Variants in ELP1 observed in about 807,000 individuals in gnomAD.
The protein encoded by ELP1 is elongator acetyltransferase complex subunit 1.
In ELP1, 131 loss-of-function variants were observed where a neutral mutation model predicts 183.2. That is an observed-to-expected ratio of 0.72 (90% CI 0.62 to 0.83). The LOEUF (loss-of-function observed/expected upper bound fraction) is 0.83. Ranked by LOEUF, ELP1 falls within the 40% of genes least tolerant of loss-of-function variation. The probability of loss-of-function intolerance (pLI) is 0.00; values close to 1 mark genes in which losing one functional copy is unlikely to be tolerated. For missense variants in ELP1, 1,550 were observed against 1,594.9 expected (o/e 0.97, Z 0.48); for synonymous variants, 555 against 569.0 (o/e 0.98, Z 0.35).
chr9:108,897,321 A>G, intron 22 of ELP1, 36 bp from the exon 23 acceptor site: 1 of 1,612,644 alleles, frequency 6.2e-7, no homozygotes, highest in Non-Finnish European at 8.5e-7. Context: ...TCATCAACAG[A>G]ACATGTAGCC....
intron 26 of ELP1, 24 bp downstream of exon 26, chr9:108,893,919 A>G (rs1828439118): frequency 6.2e-7 from 1 of 1,612,888 alleles, no homozygotes; most frequent in South Asian, 1.1e-5. Flanking sequence ...AAGTAGAGAT[A>G]AACATACTAA....
In ELP1 at chr9:108,929,826, A is replaced by G. The variant is rs1356191121; in HGVS notation, c.246T>C (p.Ser82=). The G allele has an allele frequency of 5.6e-6, 9 of 1,613,856 alleles. No homozygotes were observed. In the African/African-American group the frequency reaches 8.0e-5, roughly 14 times the overall value. ...VGVQDLLDQE[S]VCVATASGDV... is the part of the protein sequence containing the mutation. ...CTCCAGAGGCTGTGGCCACACACAC[A>G]GACTCCTGATCCAGCAAGTCCTGAA... The change falls in exon 3 of 37, where the codon TCT becomes TCC. Residue 82 remains serine, a synonymous_variant. Coordinates refer to ENST00000374647, the MANE Select transcript of ELP1 (RefSeq NM_003640.5).
chr9:108,888,102 T>C (rs77330577), intron 29 of ELP1, among the ~76,000 whole-genome samples: 1 of 152,166 alleles, frequency 6.6e-6, no homozygotes, highest in African/African-American at 2.4e-5. Flanking sequence ...AGGAATAAAC[T>C]ACAACATGGA....
rs1829020886 is a variant in ELP1, at chr9:108,906,394, T to C, written c.1552A>G (p.Ser518Gly). ...WIEEDVFLAV[S>G]HSEFSPRSVI... ...GACCGGGGGCTGAACTCACTGTGGC[T>C]TACAGCCAGGAAGACGTCTTCTTCA... Residue 518 changes from serine (S) to glycine (G), a missense_variant, in exon 14 of 37, where the codon AGC (serine) becomes GGC (glycine). Ser to Gly is a moderately conservative substitution (Grantham distance 56). Transcript: ENST00000374647. 1 of 1,613,988 alleles carries C rather than the reference T, an allele frequency of 6.2e-7. No individual in the cohort carries two copies. The highest frequency in any genetic ancestry group is 8.5e-7 in the Non-Finnish European group (1 of 1,179,950).
chr9:108,883,377 G>A (rs1828002753), intron 29 of ELP1, among the ~76,000 whole-genome samples: 1 of 152,056 alleles, frequency 6.6e-6, no homozygotes, highest in Non-Finnish European at 1.5e-5. Flanking sequence ...ATGTTACCCA[G>A]GCTGGTCTCA....
intron 13 of ELP1, among the ~76,000 whole-genome samples, chr9:108,906,725 G>A (rs917977918): frequency 5.9e-5 from 9 of 152,090 alleles, no homozygotes; most frequent in Non-Finnish European, 1.2e-4. Context: ...AATTTGAAGA[G>A]AACACTTGAG....
intron 15 of ELP1, 122 bp from the exon 16 acceptor site, chr9:108,903,064 G>A (rs189981739): frequency 1.0e-4 from 65 of 624,706 alleles, no homozygotes; most frequent in Admixed American, 5.6e-4. Context: ...TCTAATGCTG[G>A]CATTATTTAT....
At chr9:108,869,944 C>G (rs963796900) in intron 36 of ELP1, among the ~76,000 whole-genome samples, 1 of 152,070 alleles carries the variant, frequency 6.6e-6, no homozygotes, top group African/African-American at 2.4e-5. Flanking sequence ...TGGGTGCGGA[C>G]CCCCCTGCAC....
chr9:108,876,608 C>G lies in ELP1; in HGVS notation c.3855+1387G>C, dbSNP rs575087440. Among the ~76,000 whole-genome samples, 82 of 152,270 alleles carry G rather than the reference C, an allele frequency of 5.4e-4. No individual in the cohort carries two copies. In the South Asian group the frequency reaches 7.7e-3, roughly 14 times the overall value. ...TGCTTGTGGTGCTGGGGCTGGGCAC[C>G]TGAAAGATATTCTTCCTTGCTGCTG... On this transcript the variant is annotated intron_variant, in intron 35 of 36. Transcript: ENST00000374647.
intron 29 of ELP1, among the ~76,000 whole-genome samples, chr9:108,883,542 G>GAAAAAAAAAAAAA: frequency 8.3e-6 from 1 of 121,198 alleles, no homozygotes. Flanking sequence ...TGAAAACTCG[G>GAAAAAAAAAAAAA]AAAATACTGA....
At chr9:108,910,944 T>C in intron 12 of ELP1, 66 bp downstream of exon 12, 3 of 1,424,204 alleles carry the variant, frequency 2.1e-6, no homozygotes, top group Non-Finnish European at 3.0e-6. Flanking sequence ...CAAACTATAA[T>C]TTGCTTTTAT....
chr9:108,878,190 C>A (rs1278327411), intron 34 of ELP1, 41 bp from the exon 35 acceptor site: 15 of 1,551,828 alleles, frequency 9.7e-6, no homozygotes, highest in Non-Finnish European at 1.3e-5. Flanking sequence ...GTTATATTCC[C>A]AGCTCCATTG....
In ELP1 at chr9:108,929,047, C is replaced by T. The variant is rs190366590; in HGVS notation, c.303+722G>A. Reference sequence around the variant, plus strand: ...AGATTAAATAAATTTGCATGAAAAGCACTTTAAAAAGTGCCAGGCACATGA... The same window carrying T: ...AGATTAAATAAATTTGCATGAAAAGTACTTTAAAAAGTGCCAGGCACATGA... On this transcript the variant is annotated intron_variant, in intron 3 of 36. Transcript: ENST00000374647. Among the ~76,000 whole-genome samples the T allele has an allele frequency of 1.3e-4, 20 of 152,310 alleles. No homozygotes were observed. In the East Asian group the frequency reaches 3.7e-3, roughly 28 times the overall value.
intron 35 of ELP1, chr9:108,875,809 TG>T: frequency 2.9e-6 from 1 of 339,532 alleles, no homozygotes; most frequent in South Asian, 2.3e-5. Flanking sequence ...GAGACTGCGG[TG>T]GGAGGACTGC....
chr9:108,924,745 GCAATCACATATGGTC>G (rs143381427), intron 5 of ELP1, among the ~76,000 whole-genome samples: 4,146 of 152,120 alleles, frequency 0.027, 193 homozygotes, highest in African/African-American at 0.096. Context: ...ACTCCACATG[GCAATCACATATGGTC>G]CTTCAACAAA....
At chr9:108,931,794 T>G (rs904183145) in intron 1 of ELP1, among the ~76,000 whole-genome samples, 2 of 152,218 alleles carry the variant, frequency 1.3e-5, no homozygotes, top group Non-Finnish European at 2.9e-5. Flanking sequence ...TTCAAAATGA[T>G]GACCAACATT....
chr9:108,873,264 A>G (rs1827557102), intron 36 of ELP1, among the ~76,000 whole-genome samples: 1 of 152,242 alleles, frequency 6.6e-6, no homozygotes, highest in South Asian at 2.1e-4. Flanking sequence ...ATTGCATCAA[A>G]GCAGGAAACA....
chr9:108,896,714 A>G (rs1176277787), intron 24 of ELP1, 70 bp from the exon 25 acceptor site: 1 of 1,431,890 alleles, frequency 7.0e-7, no homozygotes, highest in African/African-American at 1.4e-5. Context: ...TAACAACATA[A>G]CCAAAAAGAC....
chr9:108,907,171 C>G (rs1829052537), intron 13 of ELP1, among the ~76,000 whole-genome samples: 1 of 152,174 alleles, frequency 6.6e-6, no homozygotes. Context: ...TTCACTGACA[C>G]TTTCTTCCCC....
Sources: gnomAD v4.1 joint callset for allele counts (sites outside exome capture counted in the v4.1 genomes callset) on GRCh38, gnomAD v4.1.1 for gene constraint, MANE v1.5 for transcripts, NCBI Gene and HGNC (gene_info 2026-07-23, HGNC 2026-07-21) for gene names.